HACD2: variants seen among roughly 807,000 people sequenced by gnomAD.
The protein encoded by HACD2 is 3-hydroxyacyl-CoA dehydratase 2, also known as very-long-chain (3R)-3-hydroxyacyl-CoA dehydratase 2.
In HACD2, 15 loss-of-function variants were observed where a neutral mutation model predicts 31.0. The ratio of observed to expected loss-of-function variants is 0.48; its 90% CI spans 0.32 to 0.75. The LOEUF (loss-of-function observed/expected upper bound fraction) is 0.75. Among genes scored for constraint, HACD2 ranks in the 30% least tolerant of loss-of-function variants. The pLI is 0.03. For synonymous variants in HACD2, 115 were observed against 122.2 expected (o/e 0.94, Z 0.39); for missense variants, 283 against 313.0 (o/e 0.90, Z 0.72).
At chr3:123,567,033 T>C (rs1483605941) in intron 3 of HACD2, among the ~76,000 whole-genome samples, 2 of 152,188 alleles carry the variant, frequency 1.3e-5, no homozygotes, top group African/African-American at 4.8e-5. Flanking sequence ...AGTTCTCAAA[T>C]TTTTTGACTT....
chr3:123,570,231 A>T (rs938400819), intron 2 of HACD2, among the ~76,000 whole-genome samples: 1 of 152,122 alleles, frequency 6.6e-6, no homozygotes, highest in African/African-American at 2.4e-5. Flanking sequence ...ACCTACACAA[A>T]ATTTTCAAAA....
chr3:123,501,784 A>T (rs1375567324), intron 5 of HACD2, among the ~76,000 whole-genome samples: 1 of 152,216 alleles, frequency 6.6e-6, no homozygotes, highest in Non-Finnish European at 1.5e-5. Flanking sequence ...AAATGAGAAA[A>T]ATAATAAAAT....
chr3:123,534,458 A>AGTCATATAAAAATATAGCAT (rs1553759136), intron 3 of HACD2, among the ~76,000 whole-genome samples: 54 of 152,192 alleles, frequency 3.5e-4, no homozygotes, highest in African/African-American at 1.3e-3. Flanking sequence ...ATATAAAAAT[A>AGTCATATAAAAATATAGCAT]GTCATATAAA....
At chr3:123,531,267 A>C (rs1445991052) in intron 3 of HACD2, among the ~76,000 whole-genome samples, 1 of 152,168 alleles carries the variant, frequency 6.6e-6, no homozygotes, top group Non-Finnish European at 1.5e-5. Context: ...TAGGGAATAT[A>C]AATTTGTATT....
rs1011851597 is a variant in HACD2, at chr3:123,493,915, TA to T, written c.*972del. ...TTAAAAATAAAACAATAATGGTGTA[TA>T]AATCTATTCCTGAATGTTTTTCCTG... On this transcript the variant is annotated 3_prime_UTR_variant, in exon 7 of 7. Transcript: ENST00000383657. The T allele has an allele frequency of 6.6e-6, 1 of 152,236 alleles. No individual in the cohort carries two copies. The highest frequency in any genetic ancestry group is 2.4e-5 in the African/African-American group (1 of 41,464). The allele number at this position is 152,236 out of a possible 1,614,324, so 9.4% of individuals were successfully genotyped here.
chr3:123,534,296 G>A (rs987756140), intron 3 of HACD2, among the ~76,000 whole-genome samples: 3 of 152,088 alleles, frequency 2.0e-5, no homozygotes, highest in Admixed American at 1.3e-4. Context: ...GGATAACGAC[G>A]TACTGCATAT....
chr3:123,543,652 A>G, intron 3 of HACD2: 1 of 407,900 alleles, frequency 2.5e-6, no homozygotes. Context: ...TGGAAAAATG[A>G]TTATATTAAA....
At chr3:123,544,590 G>GT (rs907369773) in intron 3 of HACD2, among the ~76,000 whole-genome samples, 72 of 152,078 alleles carry the variant, frequency 4.7e-4, no homozygotes, top group African/African-American at 1.7e-3. Flanking sequence ...TCAATGTCAG[G>GT]TTTTTTCAGA....
chr3:123,576,409 G>A (rs2056908145), intron 2 of HACD2, among the ~76,000 whole-genome samples: 4 of 152,042 alleles, frequency 2.6e-5, no homozygotes, highest in Non-Finnish European at 5.9e-5. Flanking sequence ...CCCTTCTAAT[G>A]TTGTGACACT....
chr3:123,536,615 T>C (rs1027050214), intron 3 of HACD2, among the ~76,000 whole-genome samples: 2 of 152,142 alleles, frequency 1.3e-5, no homozygotes, highest in Admixed American at 1.3e-4. Flanking sequence ...ACTGAAAGAA[T>C]ACACCGTGTT....
At chr3:123,517,302 T>C (rs2056150058) in intron 4 of HACD2, among the ~76,000 whole-genome samples, 1 of 152,206 alleles carries the variant, frequency 6.6e-6, no homozygotes, top group African/African-American at 2.4e-5. Flanking sequence ...TGTCTAAGGA[T>C]CTCACCAGCT....
chr3:123,570,218 C>A (rs1175233606), intron 2 of HACD2, among the ~76,000 whole-genome samples: 1 of 152,006 alleles, frequency 6.6e-6, no homozygotes, highest in Non-Finnish European at 1.5e-5. Context: ...GATAAAATGA[C>A]CTACCTACAC....
At chr3:123,501,741 T>C (rs534681580) in intron 5 of HACD2, among the ~76,000 whole-genome samples, 3 of 152,342 alleles carry the variant, frequency 2.0e-5, no homozygotes, top group African/African-American at 7.2e-5. Context: ...ATGTTTCCCA[T>C]TCTTCCCCTT....
At chr3:123,554,856 C>T (rs1006690063) in intron 3 of HACD2, among the ~76,000 whole-genome samples, 1 of 152,190 alleles carries the variant, frequency 6.6e-6, no homozygotes, top group Admixed American at 6.5e-5. Flanking sequence ...TTAAATCTGA[C>T]AGACTTTTTT....
intron 3 of HACD2, among the ~76,000 whole-genome samples, chr3:123,540,924 C>T (rs2056482838): frequency 6.6e-6 from 1 of 152,102 alleles, no homozygotes; most frequent in African/African-American, 2.4e-5. Flanking sequence ...AAAAATTTAT[C>T]AAATACTGTT....
Position 123,502,605 on chromosome 3 carries a change from G to A in HACD2, c.458C>T (p.Thr153Ile). ...ITEIIRYSFY[T>I]FSLLNHLPYL... is the part of the protein sequence containing the mutation. ...AGGCAGATGGTTTAATAGACTGAAT[G>A]TATAAAAGGAGTAACGGATGATTTC... The change falls in exon 5 of 7, where the codon ACA becomes ATA. Residue 153 changes from threonine (T) to isoleucine (I), a missense_variant. Physicochemically the swap from Thr to Ile is moderately conservative, Grantham distance 89. Around this residue, in one of 3 missense-constraint regions of HACD2, gnomAD observed 85 missense variants for 129.6 expected, o/e 0.66. Coordinates refer to ENST00000383657, the MANE Select transcript of HACD2 (RefSeq NM_198402.5). The A allele has an allele frequency of 6.2e-7, 1 of 1,610,556 alleles. No homozygotes were observed.
At chr3:123,529,072 G>GT (rs1418174879) in intron 3 of HACD2, among the ~76,000 whole-genome samples, 2 of 150,918 alleles carry the variant, frequency 1.3e-5, no homozygotes, top group East Asian at 3.9e-4. Flanking sequence ...ATGTCCTCAA[G>GT]TTATAACACT....
chr3:123,541,883 T>C (rs1324478911), intron 3 of HACD2, among the ~76,000 whole-genome samples: 2 of 152,084 alleles, frequency 1.3e-5, no homozygotes, highest in Non-Finnish European at 2.9e-5. Flanking sequence ...TTAAAGTATA[T>C]AAAGAATACA....
intron 4 of HACD2, among the ~76,000 whole-genome samples, chr3:123,507,526 T>C (rs2055992352): frequency 6.6e-6 from 1 of 152,210 alleles, no homozygotes; most frequent in Admixed American, 6.5e-5. Flanking sequence ...TCATACATTA[T>C]ATGATTCCAT....
Sources: gnomAD v4.1 joint callset for allele counts (sites outside exome capture counted in the v4.1 genomes callset) on GRCh38, gnomAD v4.1.1 for gene constraint, gnomAD v4.1.1 regional missense constraint, MANE v1.5 for transcripts, NCBI Gene and HGNC (gene_info 2026-07-23, HGNC 2026-07-21) for gene names.